The following ABLIM1 variants were observed in gnomAD, a reference collection of about 807,000 sequenced individuals.
ABLIM1 encodes the protein actin binding LIM protein 1, also known as actin-binding LIM protein 1.
A neutral mutation model predicts 107.0 loss-of-function variants in ABLIM1; 40 were observed. That is an observed-to-expected ratio of 0.37 (90% CI 0.29 to 0.49). The LOEUF (loss-of-function observed/expected upper bound fraction) is 0.49, where lower values mean the gene tolerates loss of function less well. ABLIM1 is among the 20% of genes least tolerant of loss of function. The pLI, the probability that ABLIM1 is intolerant of heterozygous loss-of-function variation, is 0.97. For synonymous variants in ABLIM1, 357 were observed against 357.3 expected (o/e 1.00, Z 0.01); for missense variants, 857 against 1,008.5 (o/e 0.85, Z 2.04).
intron 1 of ABLIM1, among the ~76,000 whole-genome samples, chr10:114,624,893 T>C (rs2077690733): frequency 6.6e-6 from 1 of 151,986 alleles, no homozygotes; most frequent in South Asian, 2.1e-4. Context: ...CTTTCATTTA[T>C]AAAATAGTAC....
chr10:114,763,989 G>A (rs1182654924), intron 1 of ABLIM1, among the ~76,000 whole-genome samples: 2 of 152,112 alleles, frequency 1.3e-5, no homozygotes, highest in Non-Finnish European at 2.9e-5. Flanking sequence ...CTTTTCACAT[G>A]TTTTGGGACT....
rs1284342183 is a variant in ABLIM1 at position 114,473,950 on chromosome 10, T to C, written c.1048A>G (p.Arg350Gly). 6.2e-7 allele frequency: 1 copy of C among 1,613,444 alleles called. No individual in the cohort carries two copies. Among genetic ancestry groups the C allele is most frequent in the Admixed American group, 1.7e-5 (1 of 60,026 alleles). The change falls in exon 9 of 23, where the codon AGG (arginine) becomes GGG (glycine). Residue 350 changes from arginine (R) to glycine (G), a missense_variant. Physicochemically the swap from Arg to Gly is moderately radical, Grantham distance 125. This residue lies in a region of ABLIM1 where 381 missense variants were observed against 506.9 expected (regional missense o/e 0.75). Coordinates refer to ENST00000533213, the MANE Select transcript of ABLIM1 (RefSeq NM_002313.7). ...GAATAAATACTTTCCGAGGATGTCC[T>C]GGTAGGCTGTAAAATAAACAGTGAC... Reference protein sequence around the residue: ...TKTEEKLRPTRTSSESIYSRP... With the variant: ...TKTEEKLRPTGTSSESIYSRP...
chr10:114,553,032 G>A (rs1467176717), intron 4 of ABLIM1, among the ~76,000 whole-genome samples: 1 of 152,152 alleles, frequency 6.6e-6, no homozygotes, highest in East Asian at 1.9e-4. Flanking sequence ...CATCTCCTGG[G>A]CAGCAATTAA....
chr10:114,505,110 T>A lies in ABLIM1; in HGVS notation c.895-13232A>T, dbSNP rs991956484. On this transcript the variant is annotated intron_variant, in intron 6 of 22. Transcript: ENST00000533213. ...TTGAGCAGGCTATTAAGTCGGCTGG[T>A]GCTGCTCAGCGTGTGGTAAAAAATA... Among the ~76,000 whole-genome samples, 3 of 152,314 alleles carry A rather than the reference T, an allele frequency of 2.0e-5. No individual in the cohort carries two copies. The East Asian group carries it at 5.8e-4, about 29-fold the overall frequency.
At chr10:114,624,752 A>AG (rs886396124) in intron 1 of ABLIM1, among the ~76,000 whole-genome samples, 2 of 151,992 alleles carry the variant, frequency 1.3e-5, no homozygotes, top group Non-Finnish European at 2.9e-5. Flanking sequence ...TTGGTGTTAG[A>AG]GGGCAGGAGA....
In ABLIM1 at chr10:114,713,545, AAT is replaced by A. The variant is rs2081597749; in HGVS notation, c.-213+54514_-213+54515del. Among the ~76,000 whole-genome samples, 9 of 152,312 alleles carry A rather than the reference AAT, an allele frequency of 5.9e-5. No individual in the cohort carries two copies. The South Asian group carries it at 1.9e-3, about 32-fold the overall frequency. Reference sequence around the variant, plus strand: ...AGTGTTTTTCTTACCCAGTGAAGGGAATAAAAAGGCTTCTAACCTACCATTTC... The same window carrying A: ...AGTGTTTTTCTTACCCAGTGAAGGGAAAAAAGGCTTCTAACCTACCATTTC... On this transcript the variant is annotated intron_variant, in intron 1 of 15. Transcript: ENST00000651092.
At chr10:114,494,100 C>G (rs1429888124) in intron 6 of ABLIM1, among the ~76,000 whole-genome samples, 1 of 152,090 alleles carries the variant, frequency 6.6e-6, no homozygotes, top group Admixed American at 6.5e-5. Flanking sequence ...GTTGCATAGC[C>G]ATACATACAA....
At chr10:114,656,269 C>CAAAA (rs71007486) in intron 1 of ABLIM1, among the ~76,000 whole-genome samples, 48 of 63,534 alleles carry the variant, frequency 7.6e-4, no homozygotes, top group African/African-American at 2.0e-3. Flanking sequence ...AACTCCGTCT[C>CAAAA]AAAAAAAAAA....
chr10:114,547,450 C>T (rs1020703468), intron 5 of ABLIM1, 200 bp downstream of exon 5: 3 of 619,142 alleles, frequency 4.8e-6, no homozygotes, highest in Non-Finnish European at 5.4e-6. Flanking sequence ...CAATGATTAA[C>T]ATATCATTAG....
intron 6 of ABLIM1, among the ~76,000 whole-genome samples, chr10:114,514,508 G>C (rs1194519745): frequency 6.6e-6 from 1 of 151,964 alleles, no homozygotes; most frequent in African/African-American, 2.4e-5. Context: ...AAGTAGTTGG[G>C]TCTACAGATG....
upstream of ABLIM1, among the ~76,000 whole-genome samples, chr10:114,770,464 T>TTCCTGTCTCC (rs1352191031): frequency 2.7e-4 from 41 of 150,218 alleles, no homozygotes; most frequent in African/African-American, 1.0e-3. Flanking sequence ...AACAAGATAA[T>TTCCTGTCTCC]ATGTTTCCTG....
intron 18 of ABLIM1, 73 bp downstream of exon 18, chr10:114,441,649 C>T: frequency 7.3e-7 from 1 of 1,373,940 alleles, no homozygotes; most frequent in Non-Finnish European, 1.0e-6. Context: ...CGTATTCAGG[C>T]AATGTGTCAA....
At chr10:114,638,271 T>G (rs2078576193) in intron 1 of ABLIM1, among the ~76,000 whole-genome samples, 1 of 152,216 alleles carries the variant, frequency 6.6e-6, no homozygotes, top group Non-Finnish European at 1.5e-5. Context: ...AAAAATAAAT[T>G]TAATAATTGC....
chr10:114,442,684 G>A (rs4751909), intron 17 of ABLIM1, among the ~76,000 whole-genome samples: 61,322 of 151,988 alleles, frequency 0.4, 12,272 homozygotes, highest in Middle Eastern at 0.43. Context: ...GGCGTATCAC[G>A]CTGGGTATGT....
At chr10:114,663,557 G>A (rs778423362) in intron 1 of ABLIM1, among the ~76,000 whole-genome samples, 5 of 152,240 alleles carry the variant, frequency 3.3e-5, no homozygotes, top group African/African-American at 4.8e-5. Flanking sequence ...TGCTCTGCTA[G>A]GAGAGGAAAA....
Position 114,439,370 on chromosome 10 carries a change from C to A in ABLIM1, c.2068-120G>T, listed in dbSNP as rs560963270. On this transcript the variant is annotated intron_variant, in intron 20 of 22. Coordinates refer to ENST00000533213, the MANE Select transcript of ABLIM1 (RefSeq NM_002313.7). Reference sequence around the variant, plus strand: ...ATCCTAACCACTATTTTATTTGTGTCATCTAAATGACCATGTATTTTTCAA... The same window carrying A: ...ATCCTAACCACTATTTTATTTGTGTAATCTAAATGACCATGTATTTTTCAA... 9 of 961,918 alleles carry A rather than the reference C, an allele frequency of 9.4e-6. No individual in the cohort carries two copies. The South Asian group carries it at 1.2e-4, about 13-fold the overall frequency. 59.6% of individuals were successfully genotyped at this position (961,918 alleles called of 1,614,324 possible).
chr10:114,770,006 C>A (rs2083003545), upstream of ABLIM1, among the ~76,000 whole-genome samples: 1 of 152,182 alleles, frequency 6.6e-6, no homozygotes, highest in Non-Finnish European at 1.5e-5. Context: ...AAAGCATGAT[C>A]ACAGGAATAG....
chr10:114,725,821 C>T (rs540132742), intron 1 of ABLIM1, among the ~76,000 whole-genome samples: 3 of 150,722 alleles, frequency 2.0e-5, no homozygotes, highest in Non-Finnish European at 2.9e-5. Context: ...CACAGCTCAC[C>T]GTAGCCTCAA....
Position 114,494,589 on chromosome 10 carries a change from C to G in ABLIM1, c.895-2711G>C, listed in dbSNP as rs766084367. Among the ~76,000 whole-genome samples, 14 of 152,018 alleles carry G rather than the reference C, an allele frequency of 9.2e-5. 1 individual carries two copies. The highest frequency in any genetic ancestry group is 1.3e-4 in the Non-Finnish European group (9 of 68,000). Reference sequence around the variant, plus strand: ...AACAACAACAAAACCAGAAAACAACCCCAATAAAGAAGTACTTACAATACT... The same window carrying G: ...AACAACAACAAAACCAGAAAACAACGCCAATAAAGAAGTACTTACAATACT... On this transcript the variant is annotated intron_variant, in intron 6 of 22. Transcript: ENST00000533213.
Sources: gnomAD v4.1 joint callset for allele counts (sites outside exome capture counted in the v4.1 genomes callset) on GRCh38, gnomAD v4.1.1 for gene constraint, gnomAD v4.1.1 regional missense constraint, MANE v1.5 for transcripts, NCBI Gene and HGNC (gene_info 2026-07-23, HGNC 2026-07-21) for gene names.